The following NLK variants were observed in gnomAD, a reference collection of about 807,000 sequenced individuals.
The protein encoded by NLK is nemo like kinase.
In NLK, 11 loss-of-function variants were observed where a neutral mutation model predicts 59.0. That is an observed-to-expected ratio of 0.19 (90% confidence interval 0.12 to 0.31). The LOEUF is 0.31. Among genes scored for constraint, NLK ranks in the 10% least tolerant of loss-of-function variants. NLK has a pLI of 1.00. For synonymous variants in NLK, 235 were observed against 235.9 expected, an observed-to-expected ratio of 1.00 and a Z score of 0.03; for missense variants, 410 against 661.1, an observed-to-expected ratio of 0.62 and a Z score of 4.16.
At chr17:28,144,037 A>G (rs1025298568) in intron 3 of NLK, among the ~76,000 whole-genome samples, 1 of 151,990 alleles carries the variant, frequency 6.6e-6, no homozygotes, top group East Asian at 1.9e-4. Flanking sequence ...TTTTTTTCTG[A>G]AGGGTGTGAA....
At chr17:28,102,851 CA>C (rs1344234294) in intron 1 of NLK, among the ~76,000 whole-genome samples, 2 of 152,034 alleles carry the variant, frequency 1.3e-5, no homozygotes, top group Admixed American at 6.6e-5. Flanking sequence ...AAGTTTACTT[CA>C]GGGGGGCATC....
chr17:28,111,895 T>TGTGTGTGTGG (rs1905516817), intron 1 of NLK, among the ~76,000 whole-genome samples: 2 of 65,462 alleles, frequency 3.1e-5, no homozygotes, highest in African/African-American at 6.5e-5. Flanking sequence ...TGTGTGTGTG[T>TGTGTGTGTGG]GGTGTGTGTG....
intron 2 of NLK, among the ~76,000 whole-genome samples, chr17:28,128,799 G>A (rs182188964): frequency 3.3e-5 from 5 of 152,240 alleles, no homozygotes; most frequent in East Asian, 1.9e-4. Flanking sequence ...ATTCTATTTC[G>A]TATACACTCA....
At chr17:28,056,882 A>G (rs911714861) in intron 1 of NLK, among the ~76,000 whole-genome samples, 4 of 151,048 alleles carry the variant, frequency 2.6e-5, no homozygotes, top group Non-Finnish European at 5.9e-5. Flanking sequence ...ATTGTATGAT[A>G]TATCCAGAAA....
intron 1 of NLK, among the ~76,000 whole-genome samples, chr17:28,088,452 G>A (rs1022844052): frequency 6.6e-6 from 1 of 152,006 alleles, no homozygotes; most frequent in Non-Finnish European, 1.5e-5. Flanking sequence ...TGGTAGGTAC[G>A]GTTTCTATAA....
intron 2 of NLK, among the ~76,000 whole-genome samples, chr17:28,132,258 A>C (rs974742702): frequency 1.3e-5 from 2 of 152,212 alleles, no homozygotes; most frequent in Non-Finnish European, 2.9e-5. Flanking sequence ...TGCACATAGT[A>C]AAGATTTGTT....
intron 7 of NLK, among the ~76,000 whole-genome samples, chr17:28,182,378 A>G (rs1187801258): frequency 2.0e-5 from 3 of 152,194 alleles, no homozygotes; most frequent in African/African-American, 7.2e-5. Context: ...TTCTGAGGCT[A>G]TGACCAAGGT....
chr17:28,131,270 T>C (rs1375472675), intron 2 of NLK, among the ~76,000 whole-genome samples: 2 of 152,114 alleles, frequency 1.3e-5, no homozygotes, highest in African/African-American at 4.8e-5. Context: ...GTAAATCTTA[T>C]TTAGCTCCTG....
chr17:28,077,024 G>A (rs748165643), intron 1 of NLK, among the ~76,000 whole-genome samples: 35 of 139,816 alleles, frequency 2.5e-4, no homozygotes, highest in African/African-American at 3.2e-4. Context: ...GTTAGTACCC[G>A]TGTCCCTTTT....
intron 5 of NLK, among the ~76,000 whole-genome samples, chr17:28,167,701 A>AC (rs935365666): frequency 6.6e-6 from 1 of 150,592 alleles, no homozygotes; most frequent in East Asian, 2.0e-4. Context: ...AAAAAAAAAA[A>AC]CCCACAAAAA....
At chr17:28,182,380 G>A (rs969573492) in intron 7 of NLK, among the ~76,000 whole-genome samples, 4 of 152,128 alleles carry the variant, frequency 2.6e-5, no homozygotes, top group Admixed American at 2.0e-4. Context: ...CTGAGGCTAT[G>A]ACCAAGGTCC....
At chr17:28,064,232 G>A (rs1010115712) in intron 1 of NLK, among the ~76,000 whole-genome samples, 1 of 131,266 alleles carries the variant, frequency 7.6e-6, no homozygotes, top group African/African-American at 2.9e-5. Flanking sequence ...TTGAACTCCT[G>A]GACTCAAGTA....
Position 28,042,852 on chromosome 17 carries a change from A to G in NLK, c.-22A>G. 6.8e-7 allele frequency: 1 copy of G among 1,472,958 alleles called. No homozygotes were observed. Among genetic ancestry groups the G allele is most frequent in the Non-Finnish European group, 9.0e-7 (1 of 1,105,096 alleles). The allele number at this position is 1,472,958 out of a possible 1,614,324, so 91.2% of individuals were successfully genotyped here. A position where few individuals can be genotyped will look rare whatever the true frequency, so the allele number is the denominator to read the frequency against. On this transcript the variant is annotated 5_prime_UTR_variant, in exon 1 of 11. Transcript: ENST00000407008. ...GACAGCTTGACCCAGTTTGCTTTCC[A>G]ATCAAAGGGCATTTATTTTGAATGT...
intron 8 of NLK, among the ~76,000 whole-genome samples, chr17:28,190,019 A>C (rs1484616108): frequency 6.6e-6 from 1 of 152,170 alleles, no homozygotes; most frequent in Non-Finnish European, 1.5e-5. Context: ...ACATTTCATT[A>C]TTATTTGGGA....
chr17:28,197,892 G>A (rs1281184247), downstream of NLK, among the ~76,000 whole-genome samples: 1 of 152,090 alleles, frequency 6.6e-6, no homozygotes, highest in Non-Finnish European at 1.5e-5. Context: ...CAGTTCTAAA[G>A]GGGACTGACT....
intron 1 of NLK, among the ~76,000 whole-genome samples, chr17:28,083,650 TTA>T (rs1221655787): frequency 1.3e-5 from 2 of 152,174 alleles, no homozygotes; most frequent in African/African-American, 4.8e-5. Context: ...TGTTGTTGGT[TTA>T]TATGTTTGTT....
At chr17:28,090,486 T>C (rs997013824) in intron 1 of NLK, among the ~76,000 whole-genome samples, 6 of 152,210 alleles carry the variant, frequency 3.9e-5, no homozygotes, top group African/African-American at 1.4e-4. Context: ...TGACTACTTA[T>C]AGTGCAAGTC....
At chr17:28,090,832 T>A (rs551192506) in intron 1 of NLK, among the ~76,000 whole-genome samples, 85 of 152,362 alleles carry the variant, frequency 5.6e-4, no homozygotes, top group African/African-American at 1.9e-3. Flanking sequence ...AAATATGCTA[T>A]AATCCTTATC....
At chr17:28,187,122 T>C (rs573866606) in intron 8 of NLK, among the ~76,000 whole-genome samples, 1 of 152,340 alleles carries the variant, frequency 6.6e-6, no homozygotes, top group South Asian at 2.1e-4. Flanking sequence ...TGTCTGACCA[T>C]AGAGGATTTT....
Sources: allele counts gnomAD v4.1 joint callset (sites outside exome capture counted in the v4.1 genomes callset), GRCh38; gene constraint gnomAD v4.1.1; transcripts MANE v1.5; gene names NCBI Gene and HGNC (gene_info 2026-07-23, HGNC 2026-07-21).